CSNK1D: variants seen among roughly 807,000 people sequenced by gnomAD.
The protein encoded by CSNK1D is casein kinase I isoform delta.
A neutral mutation model predicts 46.6 loss-of-function variants in CSNK1D; 16 were observed. The observed-to-expected ratio is 0.34, with a 90% CI of 0.23 to 0.52. The LOEUF (loss-of-function observed/expected upper bound fraction) is 0.52, where lower values mean the gene tolerates loss of function less well. Among genes scored for constraint, CSNK1D ranks in the 20% least tolerant of loss-of-function variants. The pLI, the probability that CSNK1D is intolerant of heterozygous loss-of-function variation, is 0.95. For missense variants in CSNK1D, 398 were observed against 578.4 expected, an observed-to-expected ratio of 0.69 and a Z score of 3.20; for synonymous variants, 276 against 228.2, an observed-to-expected ratio of 1.21 and a Z score of -1.89.
chr17:82,272,696 G>A (rs1206682889), intron 1 of CSNK1D, among the ~76,000 whole-genome samples: 3 of 152,174 alleles, frequency 2.0e-5, no homozygotes, highest in African/African-American at 7.2e-5. Flanking sequence ...CCACTCCCCC[G>A]CTCCACACGG....
At chr17:82,263,533 A>G (rs566118253) in intron 2 of CSNK1D, among the ~76,000 whole-genome samples, 3 of 152,362 alleles carry the variant, frequency 2.0e-5, no homozygotes, top group Non-Finnish European at 4.4e-5. Flanking sequence ...TACCATGCAG[A>G]GAACGCACCA....
Position 82,243,941 on chromosome 17 carries a change from G to C in CSNK1D, c.*840C>G. 3 of 985,836 alleles carry C rather than the reference G, an allele frequency of 3.0e-6. No homozygotes were observed. The highest frequency in any genetic ancestry group is 3.6e-6 in the Non-Finnish European group (3 of 830,214). The allele number at this position is 985,836 out of a possible 1,614,324, so 61.1% of individuals were successfully genotyped here. A position where few individuals can be genotyped will look rare whatever the true frequency, so the allele number is the denominator to read the frequency against. On this transcript the variant is annotated 3_prime_UTR_variant, in exon 9 of 9. Transcript: ENST00000314028. ...CAAAGCCTCTGCTTCCAAGCTCTCA[G>C]CTGCCTGCCCACCTCCTGGGGAAGA...
chr17:82,263,900 T>C (rs1392699058), intron 2 of CSNK1D, among the ~76,000 whole-genome samples: 1 of 151,736 alleles, frequency 6.6e-6, no homozygotes, highest in African/African-American at 2.4e-5. Context: ...CAGGGCGGAG[T>C]CTCTGCTGAG....
chr17:82,245,371 C>T (rs2050824265), intron 8 of CSNK1D: 4 of 240,324 alleles, frequency 1.7e-5, no homozygotes, highest in Admixed American at 5.2e-5. Context: ...GAGTGGGCTG[C>T]GGCTGGAGGA....
chr17:82,270,100 C>G (rs564944227), intron 1 of CSNK1D, among the ~76,000 whole-genome samples: 1 of 152,204 alleles, frequency 6.6e-6, no homozygotes, highest in African/African-American at 2.4e-5. Context: ...AAGGGCCTTG[C>G]GGATCTGGCA....
chr17:82,266,937 G>C (rs1311513576), intron 1 of CSNK1D: 1 of 152,186 alleles, frequency 6.6e-6, no homozygotes, highest in Non-Finnish European at 1.5e-5. Flanking sequence ...GTGGGTACCT[G>C]TGGTCCCAGC....
At chr17:82,272,043 AAAT>A (rs2051639064) in intron 1 of CSNK1D, 1 of 152,298 alleles carries the variant, frequency 6.6e-6, no homozygotes, top group African/African-American at 2.4e-5. Flanking sequence ...CAAGTGCGGA[AAAT>A]TAAGTTACTT....
At chr17:82,253,414 G>A (rs2051064685) in intron 3 of CSNK1D, 170 bp from the exon 4 acceptor site, 5 of 669,206 alleles carry the variant, frequency 7.5e-6, no homozygotes, top group South Asian at 4.6e-5. Flanking sequence ...GTTCCCCCAG[G>A]TGCCTGCAGC....
At chr17:82,240,388 C>T (rs1420414507), downstream of CSNK1D, among the ~76,000 whole-genome samples, 7 of 152,188 alleles carry the variant, frequency 4.6e-5, no homozygotes, top group African/African-American at 1.7e-4. Flanking sequence ...ACATGGCCTT[C>T]CCCCGCTGGC....
rs760341468 is a variant in CSNK1D, at chr17:82,273,414, C to T, written c.-33G>A. The T allele has an allele frequency of 6.2e-7, 1 of 1,609,014 alleles. No individual in the cohort carries two copies. Among genetic ancestry groups the T allele is most frequent in the Non-Finnish European group, 8.5e-7 (1 of 1,178,732 alleles). ...GCGGCCCGATTCGCTCCTGCCCTCC[C>T]GGCCGCTTCCTGGGTCTGAACTCTG... On this transcript the variant is annotated 5_prime_UTR_variant, in exon 1 of 9. Transcript: ENST00000314028. This position sits in a 1 kb window ranked among gnomAD's most constrained non-coding sequence, Gnocchi z 5.1.
In CSNK1D at chr17:82,246,214, C is replaced by G. The variant is rs190722126; in HGVS notation, c.1198-1383G>C. 94 of 1,515,768 alleles carry G rather than the reference C, an allele frequency of 6.2e-5. No individual in the cohort carries two copies. The African/African-American group carries it at 1.1e-3, about 18-fold the overall frequency. The allele number at this position is 1,515,768 out of a possible 1,614,324, so 93.9% of individuals were successfully genotyped here. On this transcript the variant is annotated intron_variant, in intron 8 of 8. Coordinates refer to ENST00000314028, the MANE Select transcript of CSNK1D (RefSeq NM_001893.6). ...CTCACTTGCCTCTCAGGACGGGCCT[C>G]TGGATGAGAGTGGTGCCCACTCCTC...
chr17:82,246,976 G>A, intron 8 of CSNK1D: 2 of 985,484 alleles, frequency 2.0e-6, no homozygotes, highest in Non-Finnish European at 2.4e-6. Context: ...CACGTGTGCT[G>A]GTGCTGGCAG....
Position 82,273,159 on chromosome 17 carries a change from G to A in CSNK1D, c.76+147C>T, listed in dbSNP as rs2051681414. 5 of 795,610 alleles carry A rather than the reference G, an allele frequency of 6.3e-6. No individual in the cohort carries two copies. The highest frequency in any genetic ancestry group is 5.6e-5 in the East Asian group (2 of 35,810). 49.3% of individuals were successfully genotyped at this position (795,610 alleles called of 1,614,324 possible). A position where few individuals can be genotyped will look rare whatever the true frequency, so the allele number is the denominator to read the frequency against. ...CACCCCTGGCCGCGCTAGCCTAGTGGCCGTTGGGTTCTGGCCACGATCCGG... is the reference window on the plus strand; with the variant it reads ...CACCCCTGGCCGCGCTAGCCTAGTGACCGTTGGGTTCTGGCCACGATCCGG... On this transcript the variant is annotated intron_variant, in intron 1 of 8. Coordinates refer to ENST00000314028, the MANE Select transcript of CSNK1D (RefSeq NM_001893.6). The surrounding 1 kb of genome is among the most constrained non-coding windows in gnomAD (Gnocchi z 5.1).
Position 82,253,044 on chromosome 17 carries a change from G to A in CSNK1D, c.537C>T (p.Tyr179=), listed in dbSNP as rs146479130. Residue 179 remains tyrosine (Y), a synonymous_variant, in exon 4 of 9, where the codon TAC becomes TAT. Transcript: ENST00000314028. ...ENKNLTGTAR[Y]ASINTHLGIE... is the part of the protein sequence containing the mutation. ...TTCCAAGGTGCGTGTTGATGGAGGC[G>A]TACCGCGCCGTCCCCGTGAGGTTCT... is the stretch of plus-strand genomic sequence containing the variant. 6.5e-5 allele frequency: 105 copies of A among 1,614,094 alleles called. No homozygotes were observed. The highest frequency in any genetic ancestry group is 4.9e-4 in the Middle Eastern group (3 of 6,062).
intron 1 of CSNK1D, among the ~76,000 whole-genome samples, chr17:82,267,722 C>T (rs2051513659): frequency 6.6e-6 from 1 of 152,236 alleles, no homozygotes; most frequent in South Asian, 2.1e-4. Context: ...GAACTCAACT[C>T]GCCAGCCGGG....
intron 2 of CSNK1D, among the ~76,000 whole-genome samples, chr17:82,260,467 C>G (rs1377028724): frequency 7.9e-6 from 1 of 127,216 alleles, no homozygotes; most frequent in Non-Finnish European, 1.6e-5. Context: ...TGATGGTGTA[C>G]TGAGTGATGT....
rs2051054229 is a variant in CSNK1D at position 82,253,081 on chromosome 17, T to C, written c.500A>G (p.Tyr167Cys). The C allele has an allele frequency of 6.2e-7, 1 of 1,614,174 alleles. No homozygotes were observed. Among genetic ancestry groups the C allele is most frequent in the Non-Finnish European group, 8.5e-7 (1 of 1,180,010 alleles). ...RDARTHQHIP[Y>C]RENKNLTGTA... ...CCCCGTGAGGTTCTTGTTCTCACGA[T>C]AGGGGATGTGCTGGTGGGTGCGTGC... The change falls in exon 4 of 9, where the codon TAT (tyrosine) becomes TGT (cysteine). Residue 167 changes from tyrosine (Y) to cysteine (C), a missense_variant. Physicochemically the swap from Tyr to Cys is radical, Grantham distance 194. Around this residue, in one of 2 missense-constraint regions of CSNK1D, gnomAD observed 217 missense variants for 370.3 expected, o/e 0.59. Transcript: ENST00000314028.
At chr17:82,271,738 G>A (rs2051630325) in intron 1 of CSNK1D, among the ~76,000 whole-genome samples, 1 of 152,262 alleles carries the variant, frequency 6.6e-6, no homozygotes, top group East Asian at 1.9e-4. Context: ...TCAGCCCACC[G>A]GGTCCTGAGT....
chr17:82,239,420 G>A, downstream of CSNK1D: 2 of 173,282 alleles, frequency 1.2e-5, no homozygotes, highest in Non-Finnish European at 2.4e-5. Flanking sequence ...GTGTCTTGGG[G>A]ACAGCTCTTT....
Sources: gnomAD v4.1 joint callset for allele counts (sites outside exome capture counted in the v4.1 genomes callset) on GRCh38, gnomAD v4.1.1 for gene constraint, gnomAD v4.1.1 regional missense constraint, Gnocchi (gnomAD v3.1) non-coding constraint, MANE v1.5 for transcripts, NCBI Gene and HGNC (gene_info 2026-07-23, HGNC 2026-07-21) for gene names.